Variants in TPRG1 observed in about 807,000 individuals in gnomAD.
TPRG1 encodes tumor protein p63-regulated gene 1 protein.
A neutral mutation model predicts 29.3 loss-of-function variants in TPRG1; 29 were observed. The observed-to-expected ratio is 0.99, with a 90% CI of 0.74 to 1.35. TPRG1 has a LOEUF of 1.35. Among genes scored for constraint, TPRG1 ranks in the 40% most tolerant of loss-of-function variants. The pLI, the probability that TPRG1 is intolerant of heterozygous loss-of-function variation, is 0.00. For synonymous variants in TPRG1, 130 were observed against 116.8 expected (o/e 1.11, Z -0.73); for missense variants, 327 against 335.0 (o/e 0.98, Z 0.19).
chr3:189,235,156 C>T (rs974984668), intron 3 of TPRG1, among the ~76,000 whole-genome samples: 1 of 150,114 alleles, frequency 6.7e-6, no homozygotes, highest in African/African-American at 2.5e-5. Context: ...TGTAATTTCT[C>T]AGAAAAGCAA....
intron 5 of TPRG1, among the ~76,000 whole-genome samples, chr3:189,312,093 CTTTGTTTCTTTGTTTCTTTCTTTG>C (rs764800835): frequency 0.022 from 2,026 of 93,700 alleles, 140 homozygotes; most frequent in African/African-American, 0.042. Context: ...TTCTTTCTTT[CTTTGTTTCTTTGTTTCTTTCTTTG>C]TTTCTTTCTT....
intron 4 of TPRG1, among the ~76,000 whole-genome samples, chr3:189,274,774 A>G (rs1250484245): frequency 2.0e-5 from 3 of 152,208 alleles, no homozygotes; most frequent in African/African-American, 7.2e-5. Context: ...ATTTAAAAAC[A>G]TTTGAAGATA....
chr3:189,168,022 A>G (rs1036367670), upstream of TPRG1, among the ~76,000 whole-genome samples: 3 of 152,224 alleles, frequency 2.0e-5, no homozygotes, highest in Non-Finnish European at 4.4e-5. Context: ...CTGTGCGACA[A>G]TGAAATTGTT....
rs1041947177 is a variant in TPRG1, at chr3:189,264,636, T to G, written c.479+25727T>G. Among the ~76,000 whole-genome samples, 5 of 146,562 alleles carry G rather than the reference T, an allele frequency of 3.4e-5. No individual in the cohort carries two copies. The Admixed American group carries it at 3.6e-4, about 10-fold the overall frequency. On this transcript the variant is annotated intron_variant, in intron 4 of 5. Coordinates refer to ENST00000345063, the MANE Select transcript of TPRG1 (RefSeq NM_198485.4). ...ATTTAGGTGTGTCTGACTACTAGAG[T>G]TTTTTTTCCAATGAAGTGTTCATTT...
intron 1 of TPRG1, among the ~76,000 whole-genome samples, chr3:189,189,637 G>A (rs1731417736): frequency 6.6e-6 from 1 of 152,110 alleles, no homozygotes; most frequent in Non-Finnish European, 1.5e-5. Context: ...TTTATGTCAT[G>A]GGACATAAAT....
At chr3:189,028,209 A>G (rs1193296535) in intron 4 of TPRG1, among the ~76,000 whole-genome samples, 1 of 152,206 alleles carries the variant, frequency 6.6e-6, no homozygotes, top group African/African-American at 2.4e-5. Flanking sequence ...GCCTAACTCC[A>G]GTCAATCATA....
intron 4 of TPRG1, among the ~76,000 whole-genome samples, chr3:189,094,258 A>T (rs1304815623): frequency 2.0e-5 from 3 of 152,136 alleles, no homozygotes; most frequent in Admixed American, 1.3e-4. Flanking sequence ...ACTCAGCCTG[A>T]GTAAGTGGAG....
intron 4 of TPRG1, among the ~76,000 whole-genome samples, chr3:189,304,837 A>G (rs1721379711): frequency 2.0e-5 from 3 of 152,148 alleles, no homozygotes; most frequent in African/African-American, 7.2e-5. Flanking sequence ...CATTAAGAAA[A>G]TAGATCATGT....
At position 189,320,764 on chromosome 3, in the gene TPRG1, A is replaced by T. The variant is rs1560702166; in HGVS notation, c.772A>T (p.Ile258Phe). The T allele has an allele frequency of 6.2e-6, 10 of 1,610,960 alleles. No individual in the cohort carries two copies. Among genetic ancestry groups the T allele is most frequent in the Non-Finnish European group, 7.6e-6 (9 of 1,178,600 alleles). ...IETYTGLMSF[I>F]GNRNKLGYSL... ...GACCTACACAGGGCTGATGTCATTC[A>T]TTGGAAACCGCAACAAACTTGGCTA... is the stretch of plus-strand genomic sequence containing the variant. Residue 258 changes from isoleucine (I) to phenylalanine (F), a missense_variant, in exon 6 of 6, where the codon ATT becomes TTT. Coordinates refer to ENST00000345063, the MANE Select transcript of TPRG1 (RefSeq NM_198485.4).
chr3:189,055,674 A>G (rs1715621285), intron 4 of TPRG1, among the ~76,000 whole-genome samples: 1 of 152,166 alleles, frequency 6.6e-6, no homozygotes, highest in Non-Finnish European at 1.5e-5. Context: ...GCCATTTGAG[A>G]ACAGCCCTCC....
intron 3 of TPRG1, among the ~76,000 whole-genome samples, chr3:189,008,608 C>A (rs902461294): frequency 2.6e-5 from 4 of 151,824 alleles, no homozygotes; most frequent in Non-Finnish European, 5.9e-5. Context: ...TTTTTCCTTC[C>A]AAAGCAGTAT....
chr3:189,080,039 G>GTGC (rs1461117257), intron 4 of TPRG1, among the ~76,000 whole-genome samples: 3 of 152,104 alleles, frequency 2.0e-5, no homozygotes, highest in African/African-American at 7.2e-5. Flanking sequence ...TTGAATGAAC[G>GTGC]AATAAATGAG....
chr3:189,104,247 G>A (rs1214376485), intron 1 of TPRG1, among the ~76,000 whole-genome samples: 1 of 152,094 alleles, frequency 6.6e-6, no homozygotes, highest in Non-Finnish European at 1.5e-5. Context: ...TCTGTGAGAT[G>A]AGAATAGCAT....
At chr3:189,064,304 A>T (rs1261996294) in intron 4 of TPRG1, among the ~76,000 whole-genome samples, 1 of 152,138 alleles carries the variant, frequency 6.6e-6, no homozygotes, top group African/African-American at 2.4e-5. Flanking sequence ...CATTCCTAGA[A>T]GTTAGAACAT....
intron 4 of TPRG1, among the ~76,000 whole-genome samples, chr3:189,248,528 C>G (rs111550624): frequency 2.6e-5 from 4 of 151,178 alleles, no homozygotes; most frequent in African/African-American, 9.7e-5. Flanking sequence ...CATTTTATAA[C>G]TTCACTTGAA....
rs78815372 is a variant in TPRG1, at chr3:189,050,011, C to T, written c.-463+26065C>T. On this transcript the variant is annotated intron_variant, in intron 4 of 10. Transcript: ENST00000433971. ...AGCACAAACAGACAATCTAAGGTCA[C>T]GCCTCAAGGAACTAGATCAACAAGA... 6.8e-3 allele frequency among the ~76,000 whole-genome samples: 1,030 copies of T among 152,032 alleles called. 12 individuals are homozygous for T. Among genetic ancestry groups the T allele is most frequent in the African/African-American group, 0.023 (971 of 41,490 alleles).
chr3:189,017,377 T>C (rs1100312), intron 3 of TPRG1, among the ~76,000 whole-genome samples: 149,474 of 152,104 alleles, frequency 0.98, 73,499 homozygotes, highest in East Asian at 1. Context: ...TATCCCTACC[T>C]GCTCCCCCCA....
intron 4 of TPRG1, among the ~76,000 whole-genome samples, chr3:189,264,849 T>G (rs754744979): frequency 6.6e-6 from 1 of 152,220 alleles, no homozygotes; most frequent in Non-Finnish European, 1.5e-5. Flanking sequence ...ATTTTTCTTC[T>G]TCAAATGAAT....
chr3:189,255,239 T>C (rs892387118), intron 4 of TPRG1, among the ~76,000 whole-genome samples: 1 of 152,196 alleles, frequency 6.6e-6, no homozygotes, highest in Non-Finnish European at 1.5e-5. Context: ...TGAAGCGGTG[T>C]TGAATTTTAT....
Sources: gnomAD v4.1 joint callset for allele counts (sites outside exome capture counted in the v4.1 genomes callset) on GRCh38, gnomAD v4.1.1 for gene constraint, MANE v1.5 for transcripts, NCBI Gene and HGNC (gene_info 2026-07-23, HGNC 2026-07-21) for gene names.